Variants in CHAF1B observed in about 807,000 individuals in gnomAD.
CHAF1B encodes chromatin assembly factor 1 subunit B.
In CHAF1B, 10 loss-of-function variants were observed where a neutral mutation model predicts 60.7. The observed-to-expected ratio is 0.16, with a 90% CI of 0.10 to 0.28. The LOEUF (loss-of-function observed/expected upper bound fraction) is 0.28. Ranked by LOEUF, CHAF1B falls within the 10% of genes least tolerant of loss-of-function variation. The probability of loss-of-function intolerance (pLI) is 1.00; values close to 1 mark genes in which losing one functional copy is unlikely to be tolerated. For missense variants in CHAF1B, 558 were observed against 708.4 expected (o/e 0.79, Z 2.41); for synonymous variants, 261 against 266.1 (o/e 0.98, Z 0.19).
At chr21:36,390,333 CAA>C (rs1555911920) in intron 3 of CHAF1B, among the ~76,000 whole-genome samples, 11 of 81,920 alleles carry the variant, frequency 1.3e-4, no homozygotes, top group Non-Finnish European at 1.1e-4. Context: ...AACACCATCT[CAA>C]AAAAAAAAAA....
At chr21:36,397,336 A>G in intron 5 of CHAF1B, 79 bp from the exon 6 acceptor site, 1 of 594,212 alleles carries the variant, frequency 1.7e-6, no homozygotes, top group South Asian at 2.8e-5. Context: ...ATAATATTTA[A>G]GTCATAGTTT....
chr21:36,394,458 C>T (rs2086121098), intron 4 of CHAF1B, 89 bp from the exon 5 acceptor site: 8 of 851,170 alleles, frequency 9.4e-6, no homozygotes, highest in Non-Finnish European at 1.4e-5. Context: ...AGTCTGTCTA[C>T]CTTGGCCTCC....
intron 4 of CHAF1B, among the ~76,000 whole-genome samples, chr21:36,392,518 C>T (rs1009701121): frequency 2.6e-5 from 4 of 151,898 alleles, no homozygotes; most frequent in Non-Finnish European, 4.4e-5. Flanking sequence ...AGGCGCCCCC[C>T]ACCTCCCGGA....
chr21:36,393,166 C>T (rs933490679), intron 4 of CHAF1B, among the ~76,000 whole-genome samples: 2 of 152,162 alleles, frequency 1.3e-5, no homozygotes, highest in Non-Finnish European at 2.9e-5. Flanking sequence ...GCGGCAGTAC[C>T]GTCCAGCCTC....
At chr21:36,386,607 G>A (rs991199661) in intron 2 of CHAF1B, among the ~76,000 whole-genome samples, 3 of 152,168 alleles carry the variant, frequency 2.0e-5, no homozygotes, top group Non-Finnish European at 4.4e-5. Context: ...TTAAGTAAAT[G>A]AATGAATGAA....
intron 13 of CHAF1B, chr21:36,415,641 TGAC>T (rs2086312397): frequency 9.6e-6 from 5 of 518,388 alleles, no homozygotes. Context: ...CTCCACCTGA[TGAC>T]TGCTGACCTT....
Position 36,413,037 on chromosome 21 carries a change from A to G in CHAF1B, c.1215A>G (p.Thr405=). ...PDTAKKTKSQ[T]HRGSSPGPRP... The stretch of plus-strand genomic sequence containing the variant: ...CAGCAAAGAAAACCAAGAGTCAGAC[A>G]CATCGAGGGTCTTCGCCAGGACCCA... Residue 405 remains threonine (T), a synonymous_variant, in exon 12 of 14, where the codon ACA becomes ACG. Coordinates refer to ENST00000314103, the MANE Select transcript of CHAF1B (RefSeq NM_005441.3). 1 of 1,614,236 alleles carries G rather than the reference A, an allele frequency of 6.2e-7. No individual in the cohort carries two copies. The highest frequency in any genetic ancestry group is 8.5e-7 in the Non-Finnish European group (1 of 1,180,044).
chr21:36,397,392 G>T lies in CHAF1B; in HGVS notation c.482-23G>T, dbSNP rs551246371. On this transcript the variant is annotated intron_variant, in intron 5 of 13. Transcript: ENST00000314103. Reference sequence around the variant, plus strand: ...GGTTTTGGTAATGCTGTTTTGGTGCGTGTGTGTGTGTTTTTTTTGTAGGAC... The same window carrying T: ...GGTTTTGGTAATGCTGTTTTGGTGCTTGTGTGTGTGTTTTTTTTGTAGGAC... 7 of 1,220,176 alleles carry T rather than the reference G, an allele frequency of 5.7e-6. No individual in the cohort carries two copies. In the Admixed American group the frequency reaches 1.4e-4, roughly 25 times the overall value. 75.6% of individuals were successfully genotyped at this position (1,220,176 alleles called of 1,614,324 possible).
chr21:36,411,418 G>A (rs199603853), intron 10 of CHAF1B, 45 bp from the exon 11 acceptor site: 31 of 1,607,576 alleles, frequency 1.9e-5, no homozygotes, highest in Admixed American at 1.8e-4. Flanking sequence ...CTGGTCAGAA[G>A]CCTTGTTTCT....
intron 7 of CHAF1B, among the ~76,000 whole-genome samples, chr21:36,400,832 C>T (rs1045964064): frequency 2.0e-5 from 3 of 152,164 alleles, no homozygotes; most frequent in African/African-American, 4.8e-5. Context: ...ATCAAGGCTA[C>T]CGAGGCAGGC....
intron 3 of CHAF1B, among the ~76,000 whole-genome samples, chr21:36,389,348 G>A (rs559598605): frequency 1.3e-5 from 2 of 152,266 alleles, no homozygotes; most frequent in Non-Finnish European, 2.9e-5. Context: ...CACACATGTT[G>A]TAATCCCAGC....
At chr21:36,401,365 A>G (rs2086187187) in intron 7 of CHAF1B, among the ~76,000 whole-genome samples, 1 of 139,196 alleles carries the variant, frequency 7.2e-6, no homozygotes, top group African/African-American at 2.6e-5. Flanking sequence ...ATATTTTTAT[A>G]TTATACATAA....
intron 10 of CHAF1B, among the ~76,000 whole-genome samples, chr21:36,410,303 G>A (rs2086268125): frequency 1.3e-5 from 2 of 152,124 alleles, no homozygotes; most frequent in African/African-American, 4.8e-5. Flanking sequence ...ATTGAACTTC[G>A]TAGATCTATC....
Position 36,399,576 on chromosome 21 carries a change from A to T in CHAF1B, c.634A>T (p.Met212Leu). The T allele has an allele frequency of 6.2e-7, 1 of 1,614,148 alleles. No individual in the cohort carries two copies. Among genetic ancestry groups the T allele is most frequent in the African/African-American group, 1.3e-5 (1 of 75,052 alleles). ...KKRVAFNVSK[M>L]LSGIGAEGEA... is the part of the protein sequence containing the mutation. ...GCGTGTGGCTTTCAATGTTTCGAAG[A>T]TGCTGTCTGGAATAGGGGCTGAAGG... is the stretch of plus-strand genomic sequence containing the variant. Residue 212 changes from methionine to leucine, a missense_variant, in exon 7 of 14, where the codon ATG (methionine) becomes TTG (leucine). Transcript: ENST00000314103.
chr21:36,392,782 G>C (rs1413958221), intron 4 of CHAF1B, among the ~76,000 whole-genome samples: 1 of 152,172 alleles, frequency 6.6e-6, no homozygotes, highest in East Asian at 1.9e-4. Flanking sequence ...CGGCCGGGCA[G>C]AGACGCTACT....
chr21:36,385,512 A>T (rs892725607), intron 1 of CHAF1B, 61 bp downstream of exon 1: 189 of 151,956 alleles, frequency 1.2e-3, no homozygotes, highest in African/African-American at 4.2e-3. Context: ...TCCGGGCCAG[A>T]GGCCCTCGCC....
Position 36,394,603 on chromosome 21 carries a change from C to T in CHAF1B, c.434C>T (p.Ala145Val). ...TGGGCAACTGATGGGAATTTAATGG[C>T]TTCTGCCTCTGTGGATAACACAGCC... The part of the protein sequence containing the change: ...ICWATDGNLM[A>V]SASVDNTAII... Residue 145 changes from alanine to valine, a missense_variant, in exon 5 of 14, where the codon GCT becomes GTT. By Grantham distance (64) the Ala-to-Val change is moderately conservative. Around this residue, in one of 2 missense-constraint regions of CHAF1B, gnomAD observed 325 missense variants for 493.5 expected, o/e 0.66. Coordinates refer to ENST00000314103, the MANE Select transcript of CHAF1B (RefSeq NM_005441.3). The T allele has an allele frequency of 6.2e-7, 1 of 1,613,800 alleles. No homozygotes were observed. The highest frequency in any genetic ancestry group is 8.5e-7 in the Non-Finnish European group (1 of 1,179,796).
chr21:36,408,689 G>A, intron 8 of CHAF1B, 72 bp from the exon 9 acceptor site: 1 of 1,067,666 alleles, frequency 9.4e-7, no homozygotes, highest in Non-Finnish European at 1.5e-6. Context: ...GAAGGCTCTT[G>A]AGTTTCTGTT....
intron 3 of CHAF1B, among the ~76,000 whole-genome samples, chr21:36,388,102 C>T (rs538134939): frequency 3.3e-5 from 5 of 152,218 alleles, no homozygotes; most frequent in East Asian, 3.9e-4. Context: ...GGATTACAGG[C>T]GTGAGCCACT....
Sources: allele counts gnomAD v4.1 joint callset (sites outside exome capture counted in the v4.1 genomes callset), GRCh38; gene constraint gnomAD v4.1.1; regional missense constraint gnomAD v4.1.1; transcripts MANE v1.5; gene names NCBI Gene and HGNC (gene_info 2026-07-23, HGNC 2026-07-21).